Variants in UNC5C observed in about 807,000 individuals in gnomAD.
The protein encoded by UNC5C is netrin receptor UNC5C.
In UNC5C, 47 loss-of-function variants were observed where a neutral mutation model predicts 99.8. The observed-to-expected ratio is 0.47, with a 90% CI of 0.37 to 0.60. UNC5C has a LOEUF of 0.60. Ranked by LOEUF, UNC5C falls within the 20% of genes least tolerant of loss-of-function variation. The probability of loss-of-function intolerance (pLI) is 0.00; values close to 1 mark genes in which losing one functional copy is unlikely to be tolerated. For missense variants in UNC5C, 1,062 were observed against 1,165.9 expected (o/e 0.91, Z 1.30); for synonymous variants, 487 against 452.2 (o/e 1.08, Z -0.98).
chr4:95,373,651 G>A (rs887804748), intron 1 of UNC5C, among the ~76,000 whole-genome samples: 2 of 152,090 alleles, frequency 1.3e-5, no homozygotes, highest in Non-Finnish European at 2.9e-5. Flanking sequence ...ACAGCAACTG[G>A]CACAAGGTAG....
intron 1 of UNC5C, among the ~76,000 whole-genome samples, chr4:95,397,541 T>C (rs1390299134): frequency 6.6e-6 from 1 of 152,246 alleles, no homozygotes; most frequent in African/African-American, 2.4e-5. Context: ...TAATAATTAA[T>C]TTTTTACGTA....
chr4:95,194,811 T>TG (rs1737310617), intron 12 of UNC5C, among the ~76,000 whole-genome samples: 1 of 152,046 alleles, frequency 6.6e-6, no homozygotes, highest in African/African-American at 2.4e-5. Context: ...CATCCTTGGG[T>TG]GGGGGCAGGG....
chr4:95,280,632 C>T (rs112643802), intron 3 of UNC5C, among the ~76,000 whole-genome samples: 3,311 of 151,658 alleles, frequency 0.022, 96 homozygotes, highest in African/African-American at 0.071. Context: ...GAGGTTGCAG[C>T]GAGCCAAGAT....
rs900434623 is a variant in UNC5C, at chr4:95,426,594, A to C, written c.125-90963T>G. 7.2e-4 allele frequency among the ~76,000 whole-genome samples: 110 copies of C among 152,230 alleles called. 2 individuals carry two copies. Among genetic ancestry groups the C allele is most frequent in the Non-Finnish European group, 1.5e-5 (1 of 68,036 alleles). ...AAACAGTTAACTGAGTTGTGAATGC[A>C]AAAGAAAACTTCATGAAGCCAATTA... On this transcript the variant is annotated intron_variant, in intron 1 of 15. Transcript: ENST00000453304.
At chr4:95,367,312 G>A (rs1411642050) in intron 1 of UNC5C, among the ~76,000 whole-genome samples, 1 of 151,538 alleles carries the variant, frequency 6.6e-6, no homozygotes, top group Non-Finnish European at 1.5e-5. Flanking sequence ...GGGATTATGG[G>A]CGTACACCAC....
At chr4:95,331,531 A>T (rs1426728031) in intron 2 of UNC5C, among the ~76,000 whole-genome samples, 1 of 152,120 alleles carries the variant, frequency 6.6e-6, no homozygotes, top group African/African-American at 2.4e-5. Flanking sequence ...GATGAAAATG[A>T]AAGCTCCTAA....
chr4:95,189,442 C>T (rs1736975481), intron 12 of UNC5C, among the ~76,000 whole-genome samples: 1 of 152,192 alleles, frequency 6.6e-6, no homozygotes, highest in South Asian at 2.1e-4. Flanking sequence ...CATGCCACTG[C>T]ACCTGGCTAC....
Position 95,169,375 on chromosome 4 carries a change from T to A in UNC5C, c.2655A>T (p.Lys885Asn). 6.2e-7 allele frequency: 1 copy of A among 1,614,148 alleles called. No homozygotes were observed. The highest frequency in any genetic ancestry group is 1.1e-5 in the South Asian group (1 of 91,080). ...CCAGGATTACGCCAGTTGGGCTGGATTTGGTGGCAAAGTAATTCAAGTACC... is the reference window on the plus strand; with the variant it reads ...CCAGGATTACGCCAGTTGGGCTGGAATTGGTGGCAAAGTAATTCAAGTACC... ...LDRYLNYFAT[K>N]SSPTGVILDL... Residue 885 changes from lysine to asparagine, a missense_variant, in exon 16 of 16, where the codon AAA becomes AAT. This residue lies in a region of UNC5C where 810 missense variants were observed against 854.5 expected (regional missense o/e 0.95). Coordinates refer to ENST00000453304, the MANE Select transcript of UNC5C (RefSeq NM_003728.4).
intron 4 of UNC5C, among the ~76,000 whole-genome samples, chr4:95,256,613 G>T (rs1214909540): frequency 6.6e-6 from 1 of 150,798 alleles, no homozygotes; most frequent in African/African-American, 2.4e-5. Context: ...CTATTTTCAA[G>T]ACTGTAGTTA....
chr4:95,181,627 A>T (rs947440503), intron 14 of UNC5C, among the ~76,000 whole-genome samples: 1 of 152,064 alleles, frequency 6.6e-6, no homozygotes, highest in African/African-American at 2.4e-5. Context: ...GCGCATCCGA[A>T]GGCCTGGCGG....
intron 1 of UNC5C, among the ~76,000 whole-genome samples, chr4:95,502,003 G>A (rs564022361): frequency 6.6e-6 from 1 of 152,124 alleles, no homozygotes; most frequent in East Asian, 1.9e-4. Context: ...TGACAAATCA[G>A]CCTCTGAAGA....
At chr4:95,331,347 G>T (rs891993036) in intron 2 of UNC5C, among the ~76,000 whole-genome samples, 2 of 152,068 alleles carry the variant, frequency 1.3e-5, no homozygotes, top group Non-Finnish European at 2.9e-5. Flanking sequence ...TAGTGGTATT[G>T]CTGGATTAAA....
rs113468854 is a variant in UNC5C, at chr4:95,281,174, T to G, written c.491-2812A>C. ...TGAGTTCTCAAATTAAATAACATAG[T>G]GACTCACTCTGATTTAAATTAATCA... is the stretch of plus-strand genomic sequence containing the variant. On this transcript the variant is annotated intron_variant, in intron 3 of 15. Transcript: ENST00000453304. Among the ~76,000 whole-genome samples the G allele has an allele frequency of 4.6e-4, 70 of 152,306 alleles. 1 individual carries two copies. Among genetic ancestry groups the G allele is most frequent in the Admixed American group, 1.3e-3 (20 of 15,298 alleles).
chr4:95,370,024 C>T (rs1744697866), intron 1 of UNC5C, among the ~76,000 whole-genome samples: 1 of 151,984 alleles, frequency 6.6e-6, no homozygotes, highest in South Asian at 2.1e-4. Flanking sequence ...AACTAATGAG[C>T]ATACATTTCA....
At chr4:95,241,787 G>A (rs183291393) in intron 7 of UNC5C, among the ~76,000 whole-genome samples, 72 of 151,930 alleles carry the variant, frequency 4.7e-4, no homozygotes, top group Admixed American at 1.0e-3. Flanking sequence ...GAACAAAGAC[G>A]TGAAAAAAAT....
intron 4 of UNC5C, among the ~76,000 whole-genome samples, chr4:95,251,521 C>G (rs1739730599): frequency 6.6e-6 from 1 of 152,146 alleles, no homozygotes. Flanking sequence ...AGGAAACATA[C>G]CTGTATAAGC....
chr4:95,445,962 GCAAAAAAAACAAAA>G (rs70948413), intron 1 of UNC5C, among the ~76,000 whole-genome samples: 1,419 of 89,550 alleles, frequency 0.016, 8 homozygotes, highest in Non-Finnish European at 0.022. Context: ...CAAAGAGCCT[GCAAAAAAAACAAAA>G]CAAAACAAAC....
At chr4:95,489,147 AAGG>A (rs1193071394) in intron 1 of UNC5C, among the ~76,000 whole-genome samples, 1 of 150,496 alleles carries the variant, frequency 6.6e-6, no homozygotes, top group East Asian at 2.0e-4. Context: ...AGGAAGAAAG[AAGG>A]AAGGAAGGAA....
At chr4:95,245,815 A>T (rs1336626500) in intron 5 of UNC5C, among the ~76,000 whole-genome samples, 1 of 152,234 alleles carries the variant, frequency 6.6e-6, no homozygotes, top group Admixed American at 6.5e-5. Context: ...ACACCGTAAG[A>T]CTGCACACTA....
Sources: allele counts gnomAD v4.1 joint callset (sites outside exome capture counted in the v4.1 genomes callset), GRCh38; gene constraint gnomAD v4.1.1; regional missense constraint gnomAD v4.1.1; transcripts MANE v1.5; gene names NCBI Gene and HGNC (gene_info 2026-07-23, HGNC 2026-07-21).